RFC3: variants seen among roughly 807,000 people sequenced by gnomAD.
RFC3 encodes replication factor C subunit 3, also known as A1 38 kDa subunit.
In RFC3, 41 loss-of-function variants were observed where a neutral mutation model predicts 45.1. The ratio of observed to expected loss-of-function variants is 0.91; its 90% CI spans 0.71 to 1.18. RFC3 has a LOEUF of 1.18. Among genes scored for constraint, RFC3 ranks in the 50% most tolerant of loss-of-function variants. The probability of loss-of-function intolerance (pLI) is 0.00; values close to 1 mark genes in which losing one functional copy is unlikely to be tolerated. For synonymous variants in RFC3, 149 were observed against 144.0 expected (o/e 1.03, Z -0.25); for missense variants, 423 against 428.1 (o/e 0.99, Z 0.10).
At chr13:33,843,231 C>G (rs549828584) in intron 8 of RFC3, among the ~76,000 whole-genome samples, 1 of 147,282 alleles carries the variant, frequency 6.8e-6, no homozygotes, top group Non-Finnish European at 1.5e-5. Context: ...TTTACAATTT[C>G]TATGGAAATT....
At chr13:33,875,616 C>T (rs1038830002) in intron 8 of RFC3, among the ~76,000 whole-genome samples, 5 of 152,202 alleles carry the variant, frequency 3.3e-5, no homozygotes, top group African/African-American at 4.8e-5. Flanking sequence ...TCCTCTTTCA[C>T]TCACTTGCCT....
At chr13:33,973,496 G>A in the RFC3 span, among the ~76,000 whole-genome samples, 1 of 152,234 alleles carries the variant, frequency 6.6e-6, no homozygotes, top group South Asian at 2.1e-4. Flanking sequence ...CAACGAGTGA[G>A]GCTTGGAAAC....
At chr13:33,888,697 A>G (rs2082543339) in intron 8 of RFC3, among the ~76,000 whole-genome samples, 1 of 152,032 alleles carries the variant, frequency 6.6e-6, no homozygotes, top group Non-Finnish European at 1.5e-5. Flanking sequence ...AGAAAAAAAG[A>G]TCTGTGATGA....
At chr13:33,900,706 C>T (rs890673181) in intron 8 of RFC3, among the ~76,000 whole-genome samples, 1 of 151,450 alleles carries the variant, frequency 6.6e-6, no homozygotes, top group East Asian at 1.9e-4. Context: ...AGTTAAAAAG[C>T]TTCTGCACAA....
chr13:33,907,494 C>T (rs2082678753), intron 8 of RFC3, among the ~76,000 whole-genome samples: 1 of 151,988 alleles, frequency 6.6e-6, no homozygotes. Context: ...TAAATCTATA[C>T]CTGAAAATAC....
intron 8 of RFC3, among the ~76,000 whole-genome samples, chr13:33,946,050 G>A (rs2082952385): frequency 6.6e-6 from 1 of 152,170 alleles, no homozygotes; most frequent in South Asian, 2.1e-4. Context: ...AAATGGCTCT[G>A]ACTCTGGTTC....
At chr13:33,922,154 T>C (rs2082773257) in intron 8 of RFC3, among the ~76,000 whole-genome samples, 1 of 151,268 alleles carries the variant, frequency 6.6e-6, no homozygotes, top group African/African-American at 2.4e-5. Context: ...TCATTGCTTT[T>C]TTTTTTTTTT....
At chr13:33,874,763 C>G (rs1335748860) in intron 8 of RFC3, among the ~76,000 whole-genome samples, 1 of 152,208 alleles carries the variant, frequency 6.6e-6, no homozygotes, top group Non-Finnish European at 1.5e-5. Context: ...GATGGTAAAC[C>G]TAAATAAAAT....
intron 7 of RFC3, among the ~76,000 whole-genome samples, chr13:33,834,509 T>A (rs545408427): frequency 3.3e-5 from 5 of 151,572 alleles, no homozygotes; most frequent in Non-Finnish European, 7.4e-5. Flanking sequence ...AATGTTCCTA[T>A]TCGCTTAGCC....
chr13:33,969,694 A>T (rs2083102147), downstream of RFC3, among the ~76,000 whole-genome samples: 1 of 152,158 alleles, frequency 6.6e-6, no homozygotes, highest in Non-Finnish European at 1.5e-5. Flanking sequence ...CTTAGTCCAA[A>T]TTCTATTTGT....
the RFC3 span, among the ~76,000 whole-genome samples, chr13:33,973,719 C>T: frequency 2.7e-5 from 4 of 149,998 alleles, no homozygotes; most frequent in Non-Finnish European, 4.4e-5. Flanking sequence ...GGTGCAATCT[C>T]GGCTCATTGC....
At chr13:33,869,218 A>G (rs1017894531) in intron 8 of RFC3, among the ~76,000 whole-genome samples, 1 of 152,172 alleles carries the variant, frequency 6.6e-6, no homozygotes, top group African/African-American at 2.4e-5. Context: ...TGAGTTAATG[A>G]CACAATATCC....
At chr13:33,955,304 A>G (rs1028077630) in intron 8 of RFC3, among the ~76,000 whole-genome samples, 5 of 152,304 alleles carry the variant, frequency 3.3e-5, no homozygotes, top group Middle Eastern at 3.4e-3. Context: ...GAGGACTTGT[A>G]AAAAAAGGTT....
intron 8 of RFC3, among the ~76,000 whole-genome samples, chr13:33,896,426 A>G (rs1305765574): frequency 6.6e-6 from 1 of 151,952 alleles, no homozygotes; most frequent in African/African-American, 2.4e-5. Context: ...AAGCAGCAAA[A>G]GAAAATAAGT....
At chr13:33,918,643 G>A (rs1317211460) in intron 8 of RFC3, among the ~76,000 whole-genome samples, 1 of 152,098 alleles carries the variant, frequency 6.6e-6, no homozygotes, top group African/African-American at 2.4e-5. Flanking sequence ...TCAAATAATA[G>A]CACCAAATAA....
downstream of RFC3, among the ~76,000 whole-genome samples, chr13:33,967,437 G>A (rs745932820): frequency 2.7e-5 from 4 of 150,770 alleles, no homozygotes; most frequent in Non-Finnish European, 5.9e-5. Context: ...TAAATGCTCT[G>A]CAGAATCCTA....
chr13:33,878,954 AGT>A (rs1234536927), intron 8 of RFC3, among the ~76,000 whole-genome samples: 4 of 152,140 alleles, frequency 2.6e-5, no homozygotes, highest in Admixed American at 6.6e-5. Flanking sequence ...AAAGGGGATG[AGT>A]GTGTGAATTT....
chr13:33,831,689 G>A (rs1034899180), intron 7 of RFC3, among the ~76,000 whole-genome samples: 3 of 151,684 alleles, frequency 2.0e-5, no homozygotes, highest in Admixed American at 2.0e-4. Context: ...TAGCTTTCTA[G>A]TAAAGGACAA....
At chr13:33,821,102 A>C (rs370485608) in intron 1 of RFC3, 30 bp from the exon 2 acceptor site, 2 of 1,611,812 alleles carry the variant, frequency 1.2e-6, no homozygotes, top group Admixed American at 1.7e-5. Context: ...CAGTTTGACT[A>C]GGGAAAAATG....
Sources: allele counts gnomAD v4.1 joint callset (sites outside exome capture counted in the v4.1 genomes callset), GRCh38; gene constraint gnomAD v4.1.1; transcripts MANE v1.5; gene names NCBI Gene and HGNC (gene_info 2026-07-23, HGNC 2026-07-21).